GABRB1: variants seen among roughly 807,000 people sequenced by gnomAD.
GABRB1 encodes gamma-aminobutyric acid type A receptor subunit beta1, also known as gamma-aminobutyric acid receptor subunit beta-1.
A neutral mutation model predicts 51.6 loss-of-function variants in GABRB1; 17 were observed. That is an observed-to-expected ratio of 0.33 (90% CI 0.23 to 0.49). The LOEUF (loss-of-function observed/expected upper bound fraction) is 0.49. Among genes scored for constraint, GABRB1 ranks in the 20% least tolerant of loss-of-function variants. The pLI, the probability that GABRB1 is intolerant of heterozygous loss-of-function variation, is 0.99. For synonymous variants in GABRB1, 247 were observed against 218.9 expected (o/e 1.13, Z -1.14); for missense variants, 410 against 600.6 (o/e 0.68, Z 3.32).
At chr4:47,277,006 C>T (rs1723107930) in intron 4 of GABRB1, among the ~76,000 whole-genome samples, 1 of 151,994 alleles carries the variant, frequency 6.6e-6, no homozygotes, top group African/African-American at 2.4e-5. Flanking sequence ...AGGTAGGATT[C>T]TAGGGGTCCT....
chr4:47,187,556 G>T (rs954854396), intron 4 of GABRB1, among the ~76,000 whole-genome samples: 1 of 151,678 alleles, frequency 6.6e-6, no homozygotes, highest in East Asian at 1.9e-4. Flanking sequence ...ACAAACAGAC[G>T]TGCACAATTT....
chr4:47,284,441 A>T (rs1424214258), intron 4 of GABRB1, among the ~76,000 whole-genome samples: 4 of 152,222 alleles, frequency 2.6e-5, no homozygotes, highest in Admixed American at 6.5e-5. Context: ...ACACTTAGTC[A>T]TTTCCAACAA....
At chr4:47,334,846 T>G (rs1260632411) in intron 5 of GABRB1, among the ~76,000 whole-genome samples, 5 of 152,182 alleles carry the variant, frequency 3.3e-5, no homozygotes, top group Non-Finnish European at 7.4e-5. Context: ...GTCATAATTG[T>G]GGGCGTTTCT....
intron 4 of GABRB1, among the ~76,000 whole-genome samples, chr4:47,195,445 T>TA (rs773734994): frequency 3.3e-4 from 43 of 129,712 alleles, no homozygotes; most frequent in African/African-American, 6.5e-4. Context: ...GATAGATAGA[T>TA]GATAGATAGA....
chr4:47,179,859 C>A (rs1245649965), intron 4 of GABRB1, among the ~76,000 whole-genome samples: 1 of 152,052 alleles, frequency 6.6e-6, no homozygotes, highest in African/African-American at 2.4e-5. Context: ...TTTCTTAACT[C>A]TATTAGTGAA....
At chr4:47,032,570 G>T (rs775871522) in intron 3 of GABRB1, 86 bp downstream of exon 3, 5 of 1,323,894 alleles carry the variant, frequency 3.8e-6, no homozygotes, top group Non-Finnish European at 5.5e-6. Context: ...TTTCATTGGC[G>T]GTCACCTCGC....
At chr4:47,093,486 GT>G (rs1396380396) in intron 3 of GABRB1, among the ~76,000 whole-genome samples, 2 of 152,100 alleles carry the variant, frequency 1.3e-5, no homozygotes, top group African/African-American at 4.8e-5. Context: ...TTGTCCATTA[GT>G]TTTGACTCCT....
intron 5 of GABRB1, among the ~76,000 whole-genome samples, chr4:47,385,714 G>A (rs1475166016): frequency 6.6e-6 from 1 of 152,056 alleles, no homozygotes; most frequent in Admixed American, 6.6e-5. Context: ...TTAATGCCTC[G>A]GTCCCAGAAG....
chr4:47,221,768 G>T (rs1177654915), intron 4 of GABRB1, among the ~76,000 whole-genome samples: 11 of 151,978 alleles, frequency 7.2e-5, no homozygotes, highest in Admixed American at 7.2e-4. Context: ...CTTCCTGTGA[G>T]TATCTGGTCA....
At chr4:47,236,346 A>G (rs1721334141) in intron 4 of GABRB1, among the ~76,000 whole-genome samples, 1 of 152,142 alleles carries the variant, frequency 6.6e-6, no homozygotes, top group Admixed American at 6.5e-5. Flanking sequence ...AAGTCATTTT[A>G]GCAATGAATT....
intron 4 of GABRB1, among the ~76,000 whole-genome samples, chr4:47,233,154 G>T (rs963472993): frequency 3.9e-5 from 6 of 152,118 alleles, no homozygotes; most frequent in Admixed American, 3.9e-4. Flanking sequence ...GGGATTACAG[G>T]CGTGATCCAC....
intron 3 of GABRB1, among the ~76,000 whole-genome samples, chr4:47,033,904 CTTA>C (rs1414560070): frequency 2.0e-5 from 3 of 152,166 alleles, no homozygotes; most frequent in African/African-American, 7.2e-5. Flanking sequence ...GGCAAACTGA[CTTA>C]TTATATTCTG....
At chr4:47,022,858 G>T (rs1724966313) in intron 1 of GABRB1, among the ~76,000 whole-genome samples, 1 of 152,062 alleles carries the variant, frequency 6.6e-6, no homozygotes, top group Non-Finnish European at 1.5e-5. Flanking sequence ...GTATATCAAA[G>T]AGATATCTCC....
chr4:47,050,922 A>G (rs2109507120), intron 3 of GABRB1, among the ~76,000 whole-genome samples: 1 of 152,182 alleles, frequency 6.6e-6, no homozygotes, highest in Admixed American at 6.5e-5. Context: ...GTTCTAGAAA[A>G]GCAGCATGAT....
At chr4:47,321,770 CTT>C (rs35621697) in intron 5 of GABRB1, among the ~76,000 whole-genome samples, 93,223 of 151,804 alleles carry the variant, frequency 0.61, 28,717 homozygotes, top group East Asian at 0.7. Flanking sequence ...CTTCCATTGA[CTT>C]TGTGATTTTT....
chr4:47,013,132 T>C (rs1050749624), intron 1 of GABRB1, among the ~76,000 whole-genome samples: 57 of 90,140 alleles, frequency 6.3e-4, no homozygotes, highest in African/African-American at 2.2e-3. Context: ...GACCAACAAA[T>C]TGCATTCTGT....
intron 4 of GABRB1, among the ~76,000 whole-genome samples, chr4:47,169,741 A>AT (rs1348415137): frequency 3.3e-5 from 5 of 152,104 alleles, no homozygotes; most frequent in Admixed American, 3.3e-4. Flanking sequence ...ATCTCAGGTG[A>AT]TCCCCCCGCC....
intron 5 of GABRB1, among the ~76,000 whole-genome samples, chr4:47,400,399 A>G (rs1270699737): frequency 6.6e-6 from 1 of 152,016 alleles, no homozygotes; most frequent in Non-Finnish European, 1.5e-5. Flanking sequence ...TGGGTTCCTT[A>G]TATGCATTGT....
At chr4:47,287,207 A>G (rs1437817104) in intron 4 of GABRB1, among the ~76,000 whole-genome samples, 5 of 152,178 alleles carry the variant, frequency 3.3e-5, no homozygotes, top group Admixed American at 1.3e-4. Flanking sequence ...ACCAGGTTGC[A>G]CCCTATCATA....
Sources: allele counts gnomAD v4.1 joint callset (sites outside exome capture counted in the v4.1 genomes callset), GRCh38; gene constraint gnomAD v4.1.1; transcripts MANE v1.5; gene names NCBI Gene and HGNC (gene_info 2026-07-23, HGNC 2026-07-21).